The following SYT9 variants were observed in gnomAD, a reference collection of about 807,000 sequenced individuals.
The protein encoded by SYT9 is synaptotagmin-9.
In SYT9, 22 loss-of-function variants were observed where a neutral mutation model predicts 48.4. The ratio of observed to expected loss-of-function variants is 0.45; its 90% CI spans 0.32 to 0.65. SYT9 has a LOEUF of 0.65. SYT9 is among the 30% of genes least tolerant of loss of function. The pLI is 0.03. For synonymous variants in SYT9, 265 were observed against 245.0 expected (o/e 1.08, Z -0.76); for missense variants, 577 against 622.0 (o/e 0.93, Z 0.77).
intron 3 of SYT9, among the ~76,000 whole-genome samples, chr11:7,362,690 G>A (rs1049483569): frequency 6.6e-6 from 1 of 151,700 alleles, no homozygotes; most frequent in Non-Finnish European, 1.5e-5. Flanking sequence ...TGAACTTTTG[G>A]TTAGTACTTA....
chr11:7,462,599 A>G (rs1848255247), intron 6 of SYT9, among the ~76,000 whole-genome samples: 1 of 152,264 alleles, frequency 6.6e-6, no homozygotes, highest in Non-Finnish European at 1.5e-5. Flanking sequence ...CAACAAAATC[A>G]GATTCTAAAC....
rs990207854 is a variant in SYT9, at chr11:7,278,868, A to G, written c.146-24171A>G. ...TTATGAGCACACAAATGAAGGGTCC[A>G]TGCACTACACCTAGGAACTTTAAGG... On this transcript the variant is annotated intron_variant, in intron 1 of 6. Transcript: ENST00000318881. Among the ~76,000 whole-genome samples, 6 of 152,360 alleles carry G rather than the reference A, an allele frequency of 3.9e-5. No homozygotes were observed. The East Asian group carries it at 1.2e-3, about 29-fold the overall frequency.
At position 7,422,278 on chromosome 11, in the gene SYT9, G is replaced by A. The variant is rs145377303; in HGVS notation, c.1467+1643G>A. Among the ~76,000 whole-genome samples the A allele has an allele frequency of 3.2e-3, 493 of 152,248 alleles. 5 individuals carry two copies. Among genetic ancestry groups the A allele is most frequent in the African/African-American group, 0.011 (463 of 41,538 alleles). The stretch of plus-strand genomic sequence containing the variant: ...GGGCAGGAAGGAGAAGGCAGGACAG[G>A]GTTTATGGATTCTAACCATCAGGGC... On this transcript the variant is annotated intron_variant, in intron 6 of 6. Transcript: ENST00000318881.
intron 2 of SYT9, among the ~76,000 whole-genome samples, chr11:7,309,991 A>G (rs1849101682): frequency 6.6e-6 from 1 of 152,226 alleles, no homozygotes; most frequent in Non-Finnish European, 1.5e-5. Flanking sequence ...ACTACCTTAC[A>G]GTTAGATTCA....
At chr11:7,349,674 C>T (rs529692393) in intron 3 of SYT9, among the ~76,000 whole-genome samples, 7 of 152,328 alleles carry the variant, frequency 4.6e-5, no homozygotes, top group Non-Finnish European at 1.0e-4. Context: ...TGCCAGACCC[C>T]AGTTCTAGTG....
At chr11:7,382,710 A>G (rs1437287773) in intron 3 of SYT9, among the ~76,000 whole-genome samples, 1 of 152,318 alleles carries the variant, frequency 6.6e-6, no homozygotes, top group African/African-American at 2.4e-5. Flanking sequence ...TTTGCACATA[A>G]TGTGATGTTG....
intron 1 of SYT9, among the ~76,000 whole-genome samples, chr11:7,298,903 T>C (rs1474381087): frequency 5.9e-5 from 9 of 152,192 alleles, no homozygotes; most frequent in African/African-American, 1.9e-4. Context: ...GGTATAGTTT[T>C]ATGCACGGTC....
At chr11:7,429,967 T>TA (rs1372251069) in intron 6 of SYT9, among the ~76,000 whole-genome samples, 3 of 152,236 alleles carry the variant, frequency 2.0e-5, no homozygotes, top group Non-Finnish European at 4.4e-5. Flanking sequence ...CTTCATTTTA[T>TA]GATCACTCCC....
At chr11:7,457,526 T>A (rs1848169685) in intron 6 of SYT9, 1 of 152,238 alleles carries the variant, frequency 6.6e-6, no homozygotes, top group Admixed American at 6.5e-5. Flanking sequence ...CAATTTCTTC[T>A]ATCTTACAAC....
intron 3 of SYT9, among the ~76,000 whole-genome samples, chr11:7,384,090 A>ACACACCCT (rs1411044176): frequency 7.5e-6 from 1 of 133,852 alleles, no homozygotes; most frequent in Non-Finnish European, 1.7e-5. Context: ...ACACACACAC[A>ACACACCCT]CACCCTCACA....
At chr11:7,299,921 G>C (rs1336600103) in intron 1 of SYT9, among the ~76,000 whole-genome samples, 2 of 152,154 alleles carry the variant, frequency 1.3e-5, no homozygotes, top group African/African-American at 4.8e-5. Flanking sequence ...AGTGAATCCT[G>C]AGAGGTCACG....
intron 3 of SYT9, among the ~76,000 whole-genome samples, chr11:7,384,187 A>G (rs954351103): frequency 6.6e-6 from 1 of 151,998 alleles, no homozygotes; most frequent in Non-Finnish European, 1.5e-5. Flanking sequence ...TTATGTAAAC[A>G]TGATGTATAG....
intron 3 of SYT9, among the ~76,000 whole-genome samples, chr11:7,319,192 CTTTTTTTTTTTT>C (rs71056795): frequency 2.3e-5 from 2 of 86,188 alleles, no homozygotes; most frequent in Admixed American, 1.3e-4. Flanking sequence ...TCTTCTTTTT[CTTTTTTTTTTTT>C]TTTTTTTTTT....
chr11:7,262,100 A>G (rs1601802), intron 1 of SYT9, among the ~76,000 whole-genome samples: 2,102 of 152,170 alleles, frequency 0.014, 49 homozygotes, highest in African/African-American at 0.049. Context: ...CCAGAGTGAT[A>G]GCAGTGGAGA....
intron 1 of SYT9, among the ~76,000 whole-genome samples, chr11:7,284,336 C>T (rs1210599032): frequency 6.6e-6 from 1 of 152,140 alleles, no homozygotes. Context: ...AGTTTCCCTA[C>T]TTTCTCTTTC....
At chr11:7,391,827 G>T (rs1257250672) in intron 3 of SYT9, among the ~76,000 whole-genome samples, 1 of 149,948 alleles carries the variant, frequency 6.7e-6, no homozygotes, top group Non-Finnish European at 1.5e-5. Flanking sequence ...GAGGTGGGAG[G>T]ATCACTTGAG....
Position 7,252,426 on chromosome 11 carries a change from G to A in SYT9, c.145+95G>A. Reference sequence around the variant, plus strand: ...CTGAGGCAGAACAGCGACGCGGACTGGGAGAGGGCGGGGGGCGGCCACCGA... The same window carrying A: ...CTGAGGCAGAACAGCGACGCGGACTAGGAGAGGGCGGGGGGCGGCCACCGA... On this transcript the variant is annotated intron_variant, in intron 1 of 6. Transcript: ENST00000318881. This position sits in a 1 kb window ranked among gnomAD's most constrained non-coding sequence, Gnocchi z 6.3. The A allele has an allele frequency of 1.5e-6, 2 of 1,291,398 alleles. No individual in the cohort carries two copies. Among genetic ancestry groups the A allele is most frequent in the African/African-American group, 3.1e-5 (2 of 64,292 alleles). The allele number at this position is 1,291,398 out of a possible 1,614,324, so 80.0% of individuals were successfully genotyped here. A position where few individuals can be genotyped will look rare whatever the true frequency, so the allele number is the denominator to read the frequency against.
chr11:7,391,693 G>T (rs934822921), intron 3 of SYT9, among the ~76,000 whole-genome samples: 1 of 136,426 alleles, frequency 7.3e-6, no homozygotes, highest in Admixed American at 8.3e-5. Flanking sequence ...TTGAGCCCAG[G>T]AGTTTGAGAC....
upstream of SYT9, among the ~76,000 whole-genome samples, chr11:7,247,809 G>C (rs539807084): frequency 6.6e-6 from 1 of 151,494 alleles, no homozygotes; most frequent in African/African-American, 2.4e-5. Flanking sequence ...TATCTTTTTC[G>C]TATAATGACC....
Sources: allele counts gnomAD v4.1 joint callset (sites outside exome capture counted in the v4.1 genomes callset), GRCh38; gene constraint gnomAD v4.1.1; non-coding constraint Gnocchi (gnomAD v3.1); transcripts MANE v1.5; gene names NCBI Gene and HGNC (gene_info 2026-07-23, HGNC 2026-07-21).